HDAC4: variants seen among roughly 807,000 people sequenced by gnomAD.
HDAC4 encodes the protein histone deacetylase 4, also known as histone deacetylase A.
HDAC4 carries 16 observed loss-of-function variants against 135.1 expected under a neutral mutation model. The ratio of observed to expected loss-of-function variants is 0.12; its 90% CI spans 0.08 to 0.18. The LOEUF is 0.18. Ranked by LOEUF, HDAC4 falls within the 10% of genes least tolerant of loss-of-function variation. The pLI is 1.00. For missense variants in HDAC4, 1,143 were observed against 1,511.8 expected (o/e 0.76, Z 4.05); for synonymous variants, 685 against 653.4 (o/e 1.05, Z -0.74).
At chr2:239,269,006 G>T (rs745649381) in intron 2 of HDAC4, among the ~76,000 whole-genome samples, 1 of 152,150 alleles carries the variant, frequency 6.6e-6, no homozygotes, top group Non-Finnish European at 1.5e-5. Context: ...AGCTTCCAGC[G>T]GCTTGATTCT....
chr2:239,110,535 A>G (rs1449538510), intron 14 of HDAC4, among the ~76,000 whole-genome samples: 2 of 152,218 alleles, frequency 1.3e-5, no homozygotes, highest in East Asian at 3.8e-4. Flanking sequence ...CTTTCTGAGA[A>G]GCAGCATTTT....
intron 12 of HDAC4, among the ~76,000 whole-genome samples, chr2:239,120,354 T>TAC (rs1199004519): frequency 6.0e-5 from 9 of 150,796 alleles, no homozygotes; most frequent in Non-Finnish European, 1.0e-4. Context: ...TACAGATACA[T>TAC]ACACACACAG....
At chr2:239,169,604 T>A (rs1457915072) in intron 5 of HDAC4, among the ~76,000 whole-genome samples, 1 of 152,212 alleles carries the variant, frequency 6.6e-6, no homozygotes, top group African/African-American at 2.4e-5. Flanking sequence ...ACTAGGCAGC[T>A]TCAGAAGCAA....
At chr2:239,257,431 T>C (rs1350329496) in intron 2 of HDAC4, among the ~76,000 whole-genome samples, 1 of 152,212 alleles carries the variant, frequency 6.6e-6, no homozygotes, top group Admixed American at 6.5e-5. Flanking sequence ...TTTTCCCCTG[T>C]TGGTATTTGC....
chr2:239,140,644 T>A (rs2041297948), intron 8 of HDAC4, among the ~76,000 whole-genome samples: 1 of 152,236 alleles, frequency 6.6e-6, no homozygotes, highest in African/African-American at 2.4e-5. Context: ...TCTAGGCGTC[T>A]GCTGTTCAGC....
At chr2:239,390,479 G>A (rs1696124022) in intron 1 of HDAC4, among the ~76,000 whole-genome samples, 1 of 152,196 alleles carries the variant, frequency 6.6e-6, no homozygotes, top group Non-Finnish European at 1.5e-5. Flanking sequence ...GTTGCAGTGA[G>A]TGGTGATTGT....
At position 239,350,208 on chromosome 2, in the gene HDAC4, A is replaced by G. The variant is rs184028503; in HGVS notation, c.22+2470T>C. On this transcript the variant is annotated intron_variant, in intron 2 of 26. Transcript: ENST00000543185. ...TCGGTCAAAGAAACATTAAACAAAGAGAAATATATTATATTTTGATAAGAG... is the reference window on the plus strand; with the variant it reads ...TCGGTCAAAGAAACATTAAACAAAGGGAAATATATTATATTTTGATAAGAG... 5.3e-5 allele frequency among the ~76,000 whole-genome samples: 8 copies of G among 152,330 alleles called. No homozygotes were observed. The East Asian group carries it at 1.5e-3, about 29-fold the overall frequency.
intron 12 of HDAC4, among the ~76,000 whole-genome samples, chr2:239,120,418 C>A (rs2039563972): frequency 7.2e-6 from 1 of 139,112 alleles, no homozygotes; most frequent in Non-Finnish European, 1.6e-5. Flanking sequence ...CACACACAGA[C>A]ACAGACAGAT....
chr2:239,263,910 G>A (rs2049543553), intron 2 of HDAC4, among the ~76,000 whole-genome samples: 1 of 152,224 alleles, frequency 6.6e-6, no homozygotes, highest in Non-Finnish European at 1.5e-5. Flanking sequence ...GGGAAGCTCC[G>A]TGAAGGCAGA....
intron 1 of HDAC4, among the ~76,000 whole-genome samples, chr2:239,360,058 A>G (rs943584680): frequency 6.6e-6 from 1 of 152,196 alleles, no homozygotes; most frequent in African/African-American, 2.4e-5. Context: ...AGCTCCAGCG[A>G]GTGAACGGGG....
chr2:239,182,773 C>T (rs1289254657), intron 4 of HDAC4, among the ~76,000 whole-genome samples: 1 of 152,168 alleles, frequency 6.6e-6, no homozygotes. Flanking sequence ...CACAGGGACC[C>T]TCTGCCCTCG....
intron 1 of HDAC4, among the ~76,000 whole-genome samples, chr2:239,393,259 T>C (rs915895820): frequency 1.8e-4 from 27 of 152,194 alleles, no homozygotes; most frequent in Admixed American, 1.7e-3. Context: ...GAGGCCTCCT[T>C]GGGATGCATC....
At chr2:239,246,363 C>T (rs1575513072) in intron 2 of HDAC4, among the ~76,000 whole-genome samples, 1 of 151,432 alleles carries the variant, frequency 6.6e-6, no homozygotes. Flanking sequence ...GGCGTGGCAG[C>T]CGGAGAAGCA....
intron 2 of HDAC4, among the ~76,000 whole-genome samples, chr2:239,284,863 G>A (rs1247602801): frequency 6.6e-6 from 1 of 152,234 alleles, no homozygotes; most frequent in African/African-American, 2.4e-5. Context: ...CCAGGATCGG[G>A]AAACTTTTGT....
At chr2:239,130,965 T>C (rs1316640088) in intron 11 of HDAC4, among the ~76,000 whole-genome samples, 1 of 152,226 alleles carries the variant, frequency 6.6e-6, no homozygotes, top group Non-Finnish European at 1.5e-5. Context: ...GACACTTTCC[T>C]TCTTACCCGG....
chr2:239,159,160 CCTCA>C (rs2042616037), intron 6 of HDAC4, among the ~76,000 whole-genome samples: 1 of 151,110 alleles, frequency 6.6e-6, no homozygotes, highest in African/African-American at 2.4e-5. Context: ...CACACCTGCA[CCTCA>C]CTACTACTCG....
intron 20 of HDAC4, 116 bp from the exon 21 acceptor site, chr2:239,082,337 G>A: frequency 7.4e-7 from 1 of 1,354,364 alleles, no homozygotes; most frequent in Non-Finnish European, 1.1e-6. Flanking sequence ...GCTCAGGAAT[G>A]ACATTACCCT....
Position 239,379,582 on chromosome 2 carries a change from G to A in HDAC4, c.-220+21396C>T, listed in dbSNP as rs555500400. 3.9e-5 allele frequency among the ~76,000 whole-genome samples: 6 copies of A among 152,248 alleles called. No individual in the cohort carries two copies. The South Asian group carries it at 1.2e-3, about 32-fold the overall frequency. On this transcript the variant is annotated intron_variant, in intron 1 of 26. Coordinates refer to ENST00000543185, the MANE Select transcript of HDAC4 (RefSeq NM_001378414.1). ...TGGCCCAGTGCCCGCCCTGCTCTCA[G>A]GGCACCGGCTCCTGGCAGGGCCTCC...
At chr2:239,251,723 A>C (rs1482839566) in intron 2 of HDAC4, among the ~76,000 whole-genome samples, 1 of 152,108 alleles carries the variant, frequency 6.6e-6, no homozygotes, top group Non-Finnish European at 1.5e-5. Flanking sequence ...CACAAGGCTC[A>C]TTATTCAATG....
Sources: gnomAD v4.1 joint callset for allele counts (sites outside exome capture counted in the v4.1 genomes callset) on GRCh38, gnomAD v4.1.1 for gene constraint, MANE v1.5 for transcripts, NCBI Gene and HGNC (gene_info 2026-07-23, HGNC 2026-07-21) for gene names.